Variants in DOCK1 observed in about 807,000 individuals in gnomAD.
DOCK1 encodes the protein dedicator of cytokinesis protein 1.
In DOCK1, 138 loss-of-function variants were observed where a neutral mutation model predicts 262.7. The observed-to-expected ratio is 0.53, with a 90% CI of 0.46 to 0.61. The LOEUF (loss-of-function observed/expected upper bound fraction) is 0.61, where lower values mean the gene tolerates loss of function less well. DOCK1 is among the 20% of genes least tolerant of loss of function. The pLI is 0.00. For missense variants in DOCK1, 1,908 were observed against 2,370.7 expected (o/e 0.80, Z 4.05); for synonymous variants, 866 against 867.4 (o/e 1.00, Z 0.03).
intron 23 of DOCK1, among the ~76,000 whole-genome samples, chr10:127,104,357 A>T (rs2048414067): frequency 6.6e-6 from 1 of 152,190 alleles, no homozygotes; most frequent in South Asian, 2.1e-4. Flanking sequence ...GCCCAAACTC[A>T]CACGTATTTT....
chr10:127,206,467 T>C (rs2057729796), intron 27 of DOCK1, among the ~76,000 whole-genome samples: 1 of 152,210 alleles, frequency 6.6e-6, no homozygotes, highest in African/African-American at 2.4e-5. Context: ...TATATATACA[T>C]GTGTATAAGA....
chr10:127,416,043 C>A (rs2068130713), intron 44 of DOCK1, among the ~76,000 whole-genome samples: 1 of 152,240 alleles, frequency 6.6e-6, no homozygotes, highest in African/African-American at 2.4e-5. Context: ...TCTCTAGGGG[C>A]CGGCATCTCT....
chr10:127,219,393 A>C (rs2058336834), intron 27 of DOCK1, among the ~76,000 whole-genome samples: 3 of 152,184 alleles, frequency 2.0e-5, no homozygotes, highest in African/African-American at 7.2e-5. Context: ...CTACTTGCTT[A>C]GGCCAATTAG....
Position 127,175,452 on chromosome 10 carries a change from G to T in DOCK1, c.2847+47688G>T. 6.2e-7 allele frequency: 1 copy of T among 1,611,488 alleles called. No homozygotes were observed. ...CGACGGCTGCTCACTACATTCGGGGGACAGGCACTGCATCGGGGGTGAGCA... is the reference window on the plus strand; with the variant it reads ...CGACGGCTGCTCACTACATTCGGGGTACAGGCACTGCATCGGGGGTGAGCA... On this transcript the variant is annotated intron_variant, in intron 27 of 51. Coordinates refer to ENST00000623213, the MANE Select transcript of DOCK1 (RefSeq NM_001290223.2). This position sits in a 1 kb window ranked among gnomAD's most constrained non-coding sequence, Gnocchi z 6.3.
intron 44 of DOCK1, among the ~76,000 whole-genome samples, chr10:127,415,891 A>G (rs1363067810): frequency 4.3e-5 from 6 of 140,114 alleles, no homozygotes; most frequent in African/African-American, 1.7e-4. Context: ...GCAACTGGCA[A>G]TATAAAAACA....
At chr10:127,443,851 C>T (rs1382022051) in intron 49 of DOCK1, among the ~76,000 whole-genome samples, 2 of 152,062 alleles carry the variant, frequency 1.3e-5, no homozygotes, top group Non-Finnish European at 2.9e-5. Flanking sequence ...CTGCTCACAC[C>T]TAGCATGTGT....
intron 27 of DOCK1, among the ~76,000 whole-genome samples, chr10:127,226,836 A>G (rs2134503254): frequency 6.6e-6 from 1 of 152,128 alleles, no homozygotes; most frequent in Non-Finnish European, 1.5e-5. Flanking sequence ...TTCTACCTGG[A>G]CTGCCTTTCT....
chr10:127,169,648 T>C (rs1158857431), intron 27 of DOCK1, among the ~76,000 whole-genome samples: 1 of 151,972 alleles, frequency 6.6e-6, no homozygotes, highest in African/African-American at 2.4e-5. Context: ...AATGGCAGAG[T>C]TGAATCATTG....
chr10:127,004,444 G>A (rs1033852142), intron 10 of DOCK1, among the ~76,000 whole-genome samples: 3 of 151,872 alleles, frequency 2.0e-5, no homozygotes, highest in African/African-American at 7.3e-5. Flanking sequence ...AAAATCTTGC[G>A]AGCTATCAAT....
intron 27 of DOCK1, among the ~76,000 whole-genome samples, chr10:127,180,162 C>A (rs1025885201): frequency 6.6e-6 from 1 of 152,234 alleles, no homozygotes; most frequent in African/African-American, 2.4e-5. Flanking sequence ...CTCATCTGAG[C>A]AATGCCCTTG....
intron 1 of DOCK1, among the ~76,000 whole-genome samples, chr10:126,909,657 A>C (rs1233273679): frequency 6.6e-6 from 1 of 152,070 alleles, no homozygotes; most frequent in Non-Finnish European, 1.5e-5. Context: ...TGAGCAAATT[A>C]CTCATACTTT....
At chr10:127,439,363 C>A in intron 49 of DOCK1, 138 bp downstream of exon 49, 1 of 821,842 alleles carries the variant, frequency 1.2e-6, no homozygotes, top group Non-Finnish European at 1.9e-6. Flanking sequence ...TGGGGTCCTC[C>A]TCCCCTAACC....
chr10:127,057,133 G>C (rs755990298), intron 22 of DOCK1, among the ~76,000 whole-genome samples: 1 of 152,172 alleles, frequency 6.6e-6, no homozygotes, highest in Non-Finnish European at 1.5e-5. Context: ...TGTTTGATCC[G>C]TGACAAGCTC....
chr10:126,977,466 C>G (rs988207745), intron 2 of DOCK1, among the ~76,000 whole-genome samples: 1 of 152,108 alleles, frequency 6.6e-6, no homozygotes, highest in Non-Finnish European at 1.5e-5. Flanking sequence ...GTGGCTGCTC[C>G]AGGAAAAAGT....
intron 50 of DOCK1, among the ~76,000 whole-genome samples, chr10:127,444,989 T>C (rs1197343976): frequency 6.6e-6 from 1 of 152,028 alleles, no homozygotes; most frequent in Non-Finnish European, 1.5e-5. Flanking sequence ...AGTCATTGGA[T>C]ATAGGGTCCA....
chr10:127,433,968 G>A (rs2069482815), intron 48 of DOCK1, among the ~76,000 whole-genome samples: 1 of 151,912 alleles, frequency 6.6e-6, no homozygotes. Context: ...AAAAAGCAAG[G>A]TGCAGTCCGG....
chr10:127,200,880 C>T (rs1463933652), intron 27 of DOCK1, among the ~76,000 whole-genome samples: 1 of 152,166 alleles, frequency 6.6e-6, no homozygotes, highest in Non-Finnish European at 1.5e-5. Context: ...GTCTCAGCCT[C>T]ATTTCTCTAG....
intron 27 of DOCK1, among the ~76,000 whole-genome samples, chr10:127,182,235 G>A (rs1442033325): frequency 4.6e-5 from 7 of 152,154 alleles, no homozygotes; most frequent in Non-Finnish European, 1.0e-4. Context: ...AGGCATCGAG[G>A]CAGAAGAAAA....
rs549869641 is a variant in DOCK1, at chr10:127,425,948, G to A, written c.4851G>A (p.Arg1617=). Residue 1617 remains arginine (R), a synonymous_variant, in exon 47 of 52, where the codon AGG becomes AGA. Transcript: ENST00000623213. ...AGGCACTGAGGCCGTTCCACGAGAG[G>A]ATGGAGGCCTGTTTCAAACAGCTGA... ...VTEALRPFHE[R]MEACFKQLKE... The A allele has an allele frequency of 1.9e-6, 3 of 1,614,032 alleles. No individual in the cohort carries two copies. Among genetic ancestry groups the A allele is most frequent in the East Asian group, 4.5e-5 (2 of 44,876 alleles).
Sources: allele counts gnomAD v4.1 joint callset (sites outside exome capture counted in the v4.1 genomes callset), GRCh38; gene constraint gnomAD v4.1.1; non-coding constraint Gnocchi (gnomAD v3.1); transcripts MANE v1.5; gene names NCBI Gene and HGNC (gene_info 2026-07-23, HGNC 2026-07-21).